The following PNLIPRP3 variants were observed in gnomAD, a reference collection of about 807,000 sequenced individuals.
PNLIPRP3 encodes pancreatic lipase-related protein 3.
Under a neutral mutation model 52.8 loss-of-function variants are expected in PNLIPRP3, and 58 were observed. The observed-to-expected ratio is 1.10, with a 90% CI of 0.89 to 1.37. The LOEUF (loss-of-function observed/expected upper bound fraction) is 1.37, where lower values mean the gene tolerates loss of function less well. PNLIPRP3 is among the 40% of genes most tolerant of loss of function. PNLIPRP3 has a pLI of 0.00. For synonymous variants in PNLIPRP3, 192 were observed against 185.0 expected (o/e 1.04, Z -0.31); for missense variants, 593 against 561.6 (o/e 1.06, Z -0.57).
At position 116,476,875 on chromosome 10, in the gene PNLIPRP3, T is replaced by A. The variant is rs1297807446; in HGVS notation, c.1340+56T>A. ...TAGTTTACATTTTATAAATGGTGTT[T>A]AAACCCACAGATAATTTGAAATGTG... On this transcript the variant is annotated intron_variant, in intron 11 of 11. Coordinates refer to ENST00000369230, the MANE Select transcript of PNLIPRP3 (RefSeq NM_001011709.3). 9 of 1,460,810 alleles carry A rather than the reference T, an allele frequency of 6.2e-6. No individual in the cohort carries two copies. The African/African-American group carries it at 1.3e-4, about 21-fold the overall frequency. 90.5% of individuals were successfully genotyped at this position (1,460,810 alleles called of 1,614,324 possible). A position where few individuals can be genotyped will look rare whatever the true frequency, so the allele number is the denominator to read the frequency against.
chr10:116,470,804 G>A (rs2133157051), intron 9 of PNLIPRP3, among the ~76,000 whole-genome samples: 1 of 152,226 alleles, frequency 6.6e-6, no homozygotes, highest in South Asian at 2.1e-4. Flanking sequence ...CCCCGAGCCC[G>A]GCCCACACCA....
chr10:116,436,254 T>C (rs76187368), intron 1 of PNLIPRP3, among the ~76,000 whole-genome samples: 19,232 of 118,096 alleles, frequency 0.16, 1,466 homozygotes, highest in Admixed American at 0.32. Flanking sequence ...GAGGAAATGA[T>C]AGGTTTGTTC....
At chr10:116,461,564 T>C (rs1846193214) in intron 7 of PNLIPRP3, among the ~76,000 whole-genome samples, 1 of 152,224 alleles carries the variant, frequency 6.6e-6, no homozygotes, top group Non-Finnish European at 1.5e-5. Flanking sequence ...TCAGCAAATA[T>C]GTATTGAGTG....
intron 10 of PNLIPRP3, among the ~76,000 whole-genome samples, chr10:116,476,333 C>T (rs1846465040): frequency 6.6e-6 from 1 of 152,034 alleles, no homozygotes; most frequent in African/African-American, 2.4e-5. Context: ...TCTTGATTTC[C>T]TGGTGTCAGT....
chr10:116,465,600 T>C (rs1417912452), intron 7 of PNLIPRP3, among the ~76,000 whole-genome samples: 1 of 152,078 alleles, frequency 6.6e-6, no homozygotes, highest in African/African-American at 2.4e-5. Context: ...AAAAACGTTG[T>C]TCAGGAAAGA....
intron 7 of PNLIPRP3, among the ~76,000 whole-genome samples, 182 bp from the exon 8 acceptor site, chr10:116,465,860 GTCACATAA>G (rs796240864): frequency 2.6e-5 from 4 of 152,296 alleles, no homozygotes; most frequent in African/African-American, 9.6e-5. Context: ...TCCCTTTTGA[GTCACATAA>G]TTCTTTGGTA....
chr10:116,439,521 C>T (rs778415984), intron 2 of PNLIPRP3: 42 of 795,748 alleles, frequency 5.3e-5, no homozygotes, highest in African/African-American at 8.5e-5. Flanking sequence ...CACTTTTTTC[C>T]GGGCAACTTT....
Position 116,461,186 on chromosome 10 carries a change from CT to C in PNLIPRP3, c.706del (p.Cys236ValfsTer20), listed in dbSNP as rs749440768. 175 of 1,614,046 alleles carry C rather than the reference CT, an allele frequency of 1.1e-4. No individual in the cohort carries two copies. The highest frequency in any genetic ancestry group is 1.5e-4 in the Non-Finnish European group (172 of 1,180,028). On this transcript the variant is annotated frameshift_variant, in exon 7 of 12. Coordinates refer to ENST00000369230, the MANE Select transcript of PNLIPRP3 (RefSeq NM_001011709.3). LOFTEE classifies it high-confidence loss of function. Reference sequence around the variant, plus strand: ...ATTTCAGGTGTTGGAACCATTGATGCTTGTGGTCATCTTGACTTTTACCCAA... The same window carrying C: ...ATTTCAGGTGTTGGAACCATTGATGCTGTGGTCATCTTGACTTTTACCCAA... ...LFELGVGTID[A>X]CGHLDFYPNG...
At chr10:116,436,644 T>G (rs1352582440) in intron 1 of PNLIPRP3, 67 bp from the exon 2 acceptor site, 14 of 1,416,454 alleles carry the variant, frequency 9.9e-6, no homozygotes, top group Non-Finnish European at 1.3e-5. Context: ...CTTTAACTCA[T>G]AGTGAGAAAC....
intron 1 of PNLIPRP3, among the ~76,000 whole-genome samples, chr10:116,431,336 T>A (rs1322248230): frequency 6.6e-6 from 1 of 152,158 alleles, no homozygotes; most frequent in Non-Finnish European, 1.5e-5. Flanking sequence ...TAAGAGCCAG[T>A]GAACTACCAA....
At chr10:116,450,490 C>A (rs973246502) in intron 4 of PNLIPRP3, among the ~76,000 whole-genome samples, 3 of 151,750 alleles carry the variant, frequency 2.0e-5, no homozygotes, top group Non-Finnish European at 4.4e-5. Context: ...ATAGTGAATA[C>A]AAAAACAATA....
intron 1 of PNLIPRP3, among the ~76,000 whole-genome samples, chr10:116,434,826 GA>G (rs1845753215): frequency 6.6e-6 from 1 of 152,094 alleles, no homozygotes; most frequent in Non-Finnish European, 1.5e-5. Flanking sequence ...AAAAGGATCA[GA>G]ATGGATTCCA....
At chr10:116,466,531 T>C (rs1846284396) in intron 8 of PNLIPRP3, among the ~76,000 whole-genome samples, 2 of 152,214 alleles carry the variant, frequency 1.3e-5, no homozygotes, top group Admixed American at 1.3e-4. Context: ...CTAAGAAGGC[T>C]GAACCAATCA....
intron 9 of PNLIPRP3, among the ~76,000 whole-genome samples, chr10:116,470,373 G>C (rs542212036): frequency 6.6e-6 from 1 of 152,138 alleles, no homozygotes; most frequent in South Asian, 2.1e-4. Context: ...AGATAGCAGA[G>C]AAAGAGGCCC....
intron 5 of PNLIPRP3, among the ~76,000 whole-genome samples, chr10:116,457,372 TCA>T (rs1491304471): frequency 6.6e-6 from 1 of 151,508 alleles, no homozygotes; most frequent in Non-Finnish European, 1.5e-5. Flanking sequence ...GCTCTCTCTC[TCA>T]CACACACACA....
chr10:116,473,946 A>AT (rs1218576200), intron 10 of PNLIPRP3, among the ~76,000 whole-genome samples: 6 of 59,990 alleles, frequency 1.0e-4, no homozygotes, highest in Non-Finnish European at 1.5e-4. Flanking sequence ...TTCATATGGA[A>AT]CCAAAAAAAA....
intron 2 of PNLIPRP3, chr10:116,439,497 T>C (rs1845826676): frequency 4.0e-6 from 3 of 742,486 alleles, no homozygotes; most frequent in Non-Finnish European, 7.2e-6. Flanking sequence ...CCCGTCTTCT[T>C]CATCCTCCTC....
chr10:116,442,940 G>C, intron 2 of PNLIPRP3, 115 bp from the exon 3 acceptor site: 1 of 681,304 alleles, frequency 1.5e-6, no homozygotes, highest in Non-Finnish European at 2.1e-6. Flanking sequence ...TATTAAAGAA[G>C]GTTGCTAAAG....
intron 9 of PNLIPRP3, among the ~76,000 whole-genome samples, chr10:116,469,956 T>C (rs1704051531): frequency 8.0e-6 from 1 of 125,160 alleles, no homozygotes; most frequent in African/African-American, 2.9e-5. Context: ...ACACAATTAT[T>C]GCCACAATTC....
Sources: allele counts gnomAD v4.1 joint callset (sites outside exome capture counted in the v4.1 genomes callset), GRCh38; gene constraint gnomAD v4.1.1; transcripts MANE v1.5; gene names NCBI Gene and HGNC (gene_info 2026-07-23, HGNC 2026-07-21).